EBF2: variants seen among roughly 807,000 people sequenced by gnomAD.
EBF2 encodes EBF transcription factor 2, also known as transcription factor COE2.
Under a neutral mutation model 72.8 loss-of-function variants are expected in EBF2, and 21 were observed. The observed-to-expected ratio is 0.29, with a 90% CI of 0.20 to 0.42. EBF2 has a LOEUF of 0.42. Ranked by LOEUF, EBF2 falls within the 10% of genes least tolerant of loss-of-function variation. EBF2 has a pLI of 1.00. For missense variants in EBF2, 637 were observed against 731.2 expected (o/e 0.87, Z 1.49); for synonymous variants, 299 against 274.2 (o/e 1.09, Z -0.89).
intron 10 of EBF2, among the ~76,000 whole-genome samples, chr8:25,869,156 A>G (rs965862251): frequency 6.6e-6 from 1 of 152,234 alleles, no homozygotes; most frequent in African/African-American, 2.4e-5. Context: ...GTCAGGTGCT[A>G]TCAATAAGAA....
Position 26,044,932 on chromosome 8 carries a change from G to A in EBF2, c.-73C>T. 2 of 1,519,928 alleles carry A rather than the reference G, an allele frequency of 1.3e-6. No homozygotes were observed. The highest frequency in any genetic ancestry group is 1.9e-5 in the Admixed American group (1 of 53,842). 94.2% of individuals were successfully genotyped at this position (1,519,928 alleles called of 1,614,324 possible). On this transcript the variant is annotated 5_prime_UTR_variant, in exon 1 of 16. Transcript: ENST00000520164. The surrounding 1 kb of genome is among the most constrained non-coding windows in gnomAD (Gnocchi z 4.1). ...CACAGTCCTGACTGTTCCCAACGTT[G>A]CCAGCAAATCGTCTCCTCCAAAGCA...
intron 10 of EBF2, among the ~76,000 whole-genome samples, chr8:25,866,247 A>G (rs1192782989): frequency 6.6e-6 from 1 of 151,660 alleles, no homozygotes; most frequent in Non-Finnish European, 1.5e-5. Context: ...AATGACAATA[A>G]AGTTGGATAT....
chr8:25,949,992 AC>A (rs1318533160), intron 6 of EBF2, among the ~76,000 whole-genome samples: 1 of 152,254 alleles, frequency 6.6e-6, no homozygotes, highest in Non-Finnish European at 1.5e-5. Flanking sequence ...ACCAACAAGC[AC>A]GAGGCCAAGG....
At chr8:25,912,059 A>G (rs1233307668) in intron 6 of EBF2, among the ~76,000 whole-genome samples, 3 of 152,216 alleles carry the variant, frequency 2.0e-5, no homozygotes, top group Non-Finnish European at 4.4e-5. Context: ...TGCACGGTCC[A>G]GCAGCTGAAG....
At chr8:26,012,999 GAA>G (rs1805051365) in intron 6 of EBF2, among the ~76,000 whole-genome samples, 1 of 152,164 alleles carries the variant, frequency 6.6e-6, no homozygotes, top group Non-Finnish European at 1.5e-5. Flanking sequence ...TGGGGGATTG[GAA>G]ATATAGACAA....
chr8:25,866,636 T>TA (rs1491353316), intron 10 of EBF2, among the ~76,000 whole-genome samples: 632 of 48,072 alleles, frequency 0.013, 2 homozygotes, highest in South Asian at 0.017. Context: ...TATATATATA[T>TA]TTTTTTTTTT....
chr8:25,873,293 G>A (rs1213169350), intron 10 of EBF2, among the ~76,000 whole-genome samples: 4 of 152,114 alleles, frequency 2.6e-5, no homozygotes, highest in Non-Finnish European at 5.9e-5. Flanking sequence ...CAAAGGATTG[G>A]GGTAAATGGC....
chr8:25,980,403 G>A (rs1010239221), intron 6 of EBF2, among the ~76,000 whole-genome samples: 6 of 151,944 alleles, frequency 3.9e-5, no homozygotes, highest in African/African-American at 1.5e-4. Context: ...TCCAGACATT[G>A]CAACAATGGT....
intron 6 of EBF2, among the ~76,000 whole-genome samples, chr8:25,944,140 G>A (rs1356987809): frequency 1.3e-5 from 2 of 152,184 alleles, no homozygotes; most frequent in Non-Finnish European, 2.9e-5. Flanking sequence ...GTACTCTACG[G>A]AGATAAGAGA....
chr8:25,944,277 C>A (rs190783761), intron 6 of EBF2, among the ~76,000 whole-genome samples: 3 of 152,264 alleles, frequency 2.0e-5, no homozygotes, highest in African/African-American at 7.2e-5. Flanking sequence ...TATAACCTAG[C>A]ATTCCACCAA....
intron 6 of EBF2, among the ~76,000 whole-genome samples, chr8:25,913,394 T>TTG (rs1803160240): frequency 6.6e-6 from 1 of 151,850 alleles, no homozygotes; most frequent in Non-Finnish European, 1.5e-5. Context: ...TGAGCCGAGA[T>TTG]CACGCCACTG....
intron 6 of EBF2, among the ~76,000 whole-genome samples, chr8:25,999,653 T>A (rs1804690536): frequency 6.8e-6 from 1 of 147,938 alleles, no homozygotes; most frequent in African/African-American, 2.4e-5. Flanking sequence ...TTTTTTTTTG[T>A]CTTTGCCTCC....
chr8:25,935,633 T>C (rs1803567322), intron 6 of EBF2, among the ~76,000 whole-genome samples: 1 of 152,202 alleles, frequency 6.6e-6, no homozygotes, highest in Non-Finnish European at 1.5e-5. Context: ...CCCGGCCCTA[T>C]CAGGAGTGTT....
chr8:25,983,658 G>C (rs1258587195), intron 6 of EBF2, among the ~76,000 whole-genome samples: 3 of 152,178 alleles, frequency 2.0e-5, no homozygotes, highest in African/African-American at 2.4e-5. Context: ...ATTCACCCCA[G>C]CCGGCCCCAG....
At chr8:26,033,225 G>A in intron 5 of EBF2, 72 bp from the exon 6 acceptor site, 1 of 1,468,702 alleles carries the variant, frequency 6.8e-7, no homozygotes, top group African/African-American at 1.4e-5. Flanking sequence ...CACATGACAA[G>A]AACATTTTTT....
intron 7 of EBF2, among the ~76,000 whole-genome samples, chr8:25,905,610 T>A (rs1803020757): frequency 6.6e-6 from 1 of 152,162 alleles, no homozygotes; most frequent in Non-Finnish European, 1.5e-5. Flanking sequence ...ATGATTCTAT[T>A]TATGTTAAAT....
chr8:25,865,016 T>A (rs1396932326), intron 10 of EBF2, among the ~76,000 whole-genome samples: 1 of 152,096 alleles, frequency 6.6e-6, no homozygotes, highest in Admixed American at 6.6e-5. Flanking sequence ...TTGATCAGGT[T>A]GGTCCCGAAC....
At chr8:25,922,239 C>T (rs1298187548) in intron 6 of EBF2, among the ~76,000 whole-genome samples, 1 of 132,636 alleles carries the variant, frequency 7.5e-6, no homozygotes, top group Non-Finnish European at 1.7e-5. Context: ...ACTGATGAGG[C>T]TGTTTTTGCT....
At chr8:26,015,961 A>G (rs1351032452) in intron 6 of EBF2, among the ~76,000 whole-genome samples, 2 of 152,230 alleles carry the variant, frequency 1.3e-5, no homozygotes. Context: ...AAAAAGAAAA[A>G]TGCTCTAGAT....
Sources: gnomAD v4.1 joint callset for allele counts (sites outside exome capture counted in the v4.1 genomes callset) on GRCh38, gnomAD v4.1.1 for gene constraint, Gnocchi (gnomAD v3.1) non-coding constraint, MANE v1.5 for transcripts, NCBI Gene and HGNC (gene_info 2026-07-23, HGNC 2026-07-21) for gene names.